BCAS3: variants seen among roughly 807,000 people sequenced by gnomAD.
The protein encoded by BCAS3 is BCAS4/BCAS3 fusion.
BCAS3 carries 53 observed loss-of-function variants against 116.1 expected under a neutral mutation model. The observed-to-expected ratio is 0.46, with a 90% CI of 0.37 to 0.57. BCAS3 has a LOEUF of 0.57. Among genes scored for constraint, BCAS3 ranks in the 20% least tolerant of loss-of-function variants. The pLI, the probability that BCAS3 is intolerant of heterozygous loss-of-function variation, is 0.00. For missense variants in BCAS3, 917 were observed against 1,165.4 expected (o/e 0.79, Z 3.10); for synonymous variants, 391 against 408.2 (o/e 0.96, Z 0.51).
At chr17:60,753,317 A>G (rs2042661986) in intron 6 of BCAS3, among the ~76,000 whole-genome samples, 1 of 151,806 alleles carries the variant, frequency 6.6e-6, no homozygotes, top group Non-Finnish European at 1.5e-5. Context: ...TATTATGCCT[A>G]ACTTTAAATC....
intron 6 of BCAS3, among the ~76,000 whole-genome samples, chr17:60,790,364 T>C (rs1598736682): frequency 6.6e-6 from 1 of 152,290 alleles, no homozygotes; most frequent in East Asian, 1.9e-4. Flanking sequence ...GTAAAGACCT[T>C]GGAAAGACCA....
Position 61,344,551 on chromosome 17 carries a change from C to G in BCAS3, c.2426-23776C>G, listed in dbSNP as rs148027621. 6.6e-6 allele frequency among the ~76,000 whole-genome samples: 1 copy of G among 152,274 alleles called. No individual in the cohort carries two copies. Among genetic ancestry groups the G allele is most frequent in the Non-Finnish European group, 1.5e-5 (1 of 68,022 alleles). The stretch of plus-strand genomic sequence containing the variant: ...TCTCTGCCCCCATGGGGCTTATATT[C>G]TAGAGGAGGAAACAGCCAGCAGTGG... On this transcript the variant is annotated intron_variant, in intron 22 of 23. Coordinates refer to ENST00000407086, the MANE Select transcript of BCAS3 (RefSeq NM_017679.5). The surrounding 1 kb of genome is among the most constrained non-coding windows in gnomAD (Gnocchi z 4.1).
At chr17:61,271,810 T>TTTTTG (rs1047308069) in intron 22 of BCAS3, among the ~76,000 whole-genome samples, 2 of 151,754 alleles carry the variant, frequency 1.3e-5, no homozygotes, top group South Asian at 2.1e-4. Flanking sequence ...CCATTTGGGG[T>TTTTTG]TTTTGTTTTG....
rs1602941506 is a variant in BCAS3 at position 61,348,902 on chromosome 17, A to G, written c.2426-19425A>G. Among the ~76,000 whole-genome samples the G allele has an allele frequency of 1.3e-5, 2 of 151,634 alleles. No individual in the cohort carries two copies. The highest frequency in any genetic ancestry group is 2.4e-5 in the African/African-American group (1 of 41,228). On this transcript the variant is annotated intron_variant, in intron 22 of 23. Transcript: ENST00000407086. The surrounding 1 kb of genome is among the most constrained non-coding windows in gnomAD (Gnocchi z 4.5). The stretch of plus-strand genomic sequence containing the variant: ...CGAGTAGCTGGGACTACAGGCGCCC[A>G]CCGCCACACACGGCTAACTTTTTGT...
rs367654473 is a variant in BCAS3, at chr17:61,141,000, G to A, written c.2425+56436G>A. On this transcript the variant is annotated intron_variant, in intron 22 of 23. Coordinates refer to ENST00000407086, the MANE Select transcript of BCAS3 (RefSeq NM_017679.5). The surrounding 1 kb of genome is among the most constrained non-coding windows in gnomAD (Gnocchi z 4.2). Reference sequence around the variant, plus strand: ...AATGGGGCAGGCATGAAGCCCGTGAGAGATCATTGCTACCACTTCTACTTT... The same window carrying A: ...AATGGGGCAGGCATGAAGCCCGTGAAAGATCATTGCTACCACTTCTACTTT... Among the ~76,000 whole-genome samples, 5 of 152,126 alleles carry A rather than the reference G, an allele frequency of 3.3e-5. No individual in the cohort carries two copies. The South Asian group carries it at 1.0e-3, about 32-fold the overall frequency.
chr17:60,720,540 T>C (rs1296552692), intron 5 of BCAS3, among the ~76,000 whole-genome samples: 1 of 152,188 alleles, frequency 6.6e-6, no homozygotes, highest in Admixed American at 6.5e-5. Flanking sequence ...CAGTATACAG[T>C]TGGCCCTGGA....
chr17:61,312,799 C>T (rs1302463017), intron 22 of BCAS3, among the ~76,000 whole-genome samples: 1 of 152,144 alleles, frequency 6.6e-6, no homozygotes, highest in East Asian at 1.9e-4. Flanking sequence ...ATTGTCAGAG[C>T]GTGAGCTTCA....
intron 14 of BCAS3, among the ~76,000 whole-genome samples, chr17:60,966,633 A>G (rs1385081998): frequency 6.6e-6 from 1 of 152,004 alleles, no homozygotes; most frequent in Non-Finnish European, 1.5e-5. Context: ...ACATGTAAAA[A>G]AAATTTATAC....
chr17:61,324,687 C>T lies in BCAS3; in HGVS notation c.2426-43640C>T, dbSNP rs2055582942. ...GGCTGAGTCATTTCCTCTCCCTCATCTCATTTGCCTTGTTTATAAAATGGT... is the reference window on the plus strand; with the variant it reads ...GGCTGAGTCATTTCCTCTCCCTCATTTCATTTGCCTTGTTTATAAAATGGT... On this transcript the variant is annotated intron_variant, in intron 22 of 23. Coordinates refer to ENST00000407086, the MANE Select transcript of BCAS3 (RefSeq NM_017679.5). This position sits in a 1 kb window ranked among gnomAD's most constrained non-coding sequence, Gnocchi z 4.6. 6.6e-6 allele frequency among the ~76,000 whole-genome samples: 1 copy of T among 152,146 alleles called. No homozygotes were observed. Among genetic ancestry groups the T allele is most frequent in the Admixed American group, 6.5e-5 (1 of 15,270 alleles).
rs1192324327 is a variant in BCAS3 at position 61,265,167 on chromosome 17, A to G, written c.2426-103160A>G. The stretch of plus-strand genomic sequence containing the variant: ...AATGGCTCATGTCTGTAATCCCAGC[A>G]CTTTGGGAGCCTGAGGCAGGCAGAT... On this transcript the variant is annotated intron_variant, in intron 22 of 23. Coordinates refer to ENST00000407086, the MANE Select transcript of BCAS3 (RefSeq NM_017679.5). The surrounding 1 kb of genome is among the most constrained non-coding windows in gnomAD (Gnocchi z 4.3). Among the ~76,000 whole-genome samples, 2 of 152,196 alleles carry G rather than the reference A, an allele frequency of 1.3e-5. No individual in the cohort carries two copies. Among genetic ancestry groups the G allele is most frequent in the African/African-American group, 4.8e-5 (2 of 41,458 alleles).
chr17:61,247,116 A>G (rs1470442120), intron 22 of BCAS3, among the ~76,000 whole-genome samples: 2 of 152,224 alleles, frequency 1.3e-5, no homozygotes, highest in Non-Finnish European at 2.9e-5. Context: ...AAATTATCAC[A>G]GATGAATACA....
intron 14 of BCAS3, among the ~76,000 whole-genome samples, chr17:60,975,432 A>G (rs1268197047): frequency 1.3e-5 from 2 of 152,244 alleles, no homozygotes; most frequent in African/African-American, 4.8e-5. Context: ...ATCTCTAAGA[A>G]CTAAGGGGGC....
At chr17:60,843,299 C>T (rs1380750177) in intron 7 of BCAS3, among the ~76,000 whole-genome samples, 1 of 151,596 alleles carries the variant, frequency 6.6e-6, no homozygotes, top group African/African-American at 2.4e-5. Context: ...TCCCTGCAAC[C>T]TCTGCTTCCC....
chr17:61,338,888 G>GGA lies in BCAS3; in HGVS notation c.2426-29439_2426-29438insGA, dbSNP rs2056925747. On this transcript the variant is annotated intron_variant, in intron 22 of 23. Transcript: ENST00000407086. ...GAAGCCTATCTGGTGCCCTTACTGGGAAAAAAAAAAAAAAAAAAAAAAAAA... is the reference window on the plus strand; with the variant it reads ...GAAGCCTATCTGGTGCCCTTACTGGGGAAAAAAAAAAAAAAAAAAAAAAAAAA... Among the ~76,000 whole-genome samples the GGA allele has an allele frequency of 5.9e-5, 4 of 67,280 alleles. No individual in the cohort carries two copies. The South Asian group carries it at 3.3e-3, about 55-fold the overall frequency. 44.1% of individuals were successfully genotyped at this position (67,280 alleles called of 152,430 possible). A position where few individuals can be genotyped will look rare whatever the true frequency, so the allele number is the denominator to read the frequency against.
intron 15 of BCAS3, among the ~76,000 whole-genome samples, chr17:60,999,430 A>G (rs1340106171): frequency 6.6e-6 from 1 of 151,736 alleles, no homozygotes; most frequent in Non-Finnish European, 1.5e-5. Flanking sequence ...AATCCCAGCT[A>G]CTCAGGAGGC....
At chr17:61,331,210 G>C (rs1032409099) in intron 22 of BCAS3, among the ~76,000 whole-genome samples, 2 of 152,196 alleles carry the variant, frequency 1.3e-5, no homozygotes, top group Non-Finnish European at 2.9e-5. Context: ...GAGAAGATGG[G>C]GGCTAGAGTG....
At position 61,323,242 on chromosome 17, in the gene BCAS3, A is replaced by G. The variant is rs140014230; in HGVS notation, c.2426-45085A>G. 4.9e-4 allele frequency among the ~76,000 whole-genome samples: 74 copies of G among 152,246 alleles called. 1 individual carries two copies. The East Asian group carries it at 0.013, about 27-fold the overall frequency. ...TGAGAAGACTTTTGTCTAGAGCCCA[A>G]ACTTCCCCAGGGGGAAGGACTCATT... On this transcript the variant is annotated intron_variant, in intron 22 of 23. Coordinates refer to ENST00000407086, the MANE Select transcript of BCAS3 (RefSeq NM_017679.5). This position sits in a 1 kb window ranked among gnomAD's most constrained non-coding sequence, Gnocchi z 4.6.
rs2073248832 is a variant in BCAS3, at chr17:61,088,286, G to T, written c.2425+3722G>T. ...CATTGTTGGCTGAGGAGATCATTTT[G>T]GAAATGGACACATTATAGGATTTTA... On this transcript the variant is annotated intron_variant, in intron 22 of 23. Transcript: ENST00000407086. This position sits in a 1 kb window ranked among gnomAD's most constrained non-coding sequence, Gnocchi z 4.2. Among the ~76,000 whole-genome samples the T allele has an allele frequency of 6.6e-6, 1 of 152,152 alleles. No individual in the cohort carries two copies. The highest frequency in any genetic ancestry group is 2.4e-5 in the African/African-American group (1 of 41,444).
chr17:60,818,890 A>T (rs1293001302), intron 7 of BCAS3, among the ~76,000 whole-genome samples: 3 of 152,112 alleles, frequency 2.0e-5, no homozygotes, highest in Admixed American at 6.6e-5. Flanking sequence ...GGGATGGGTT[A>T]GCATACCAGG....
Sources: gnomAD v4.1 joint callset for allele counts (sites outside exome capture counted in the v4.1 genomes callset) on GRCh38, gnomAD v4.1.1 for gene constraint, Gnocchi (gnomAD v3.1) non-coding constraint, MANE v1.5 for transcripts, NCBI Gene and HGNC (gene_info 2026-07-23, HGNC 2026-07-21) for gene names.